The following PRPSAP2 variants were observed in gnomAD, a reference collection of about 807,000 sequenced individuals.
PRPSAP2 encodes the protein phosphoribosyl pyrophosphate synthase-associated protein 2.
A neutral mutation model predicts 40.6 loss-of-function variants in PRPSAP2; 24 were observed. The ratio of observed to expected loss-of-function variants is 0.59; its 90% CI spans 0.43 to 0.83. PRPSAP2 has a LOEUF of 0.83. PRPSAP2 is among the 40% of genes least tolerant of loss of function. The pLI is 0.00. For missense variants in PRPSAP2, 292 were observed against 465.6 expected (o/e 0.63, Z 3.43); for synonymous variants, 149 against 164.7 (o/e 0.90, Z 0.73).
rs2039366715 is a variant in PRPSAP2, at chr17:18,889,001, TTGA to T, written c.529-815_529-813del. On this transcript the variant is annotated intron_variant, in intron 7 of 11. Transcript: ENST00000268835. ...TTTTCTTGGCTGGGTTTGGTAATGT[TTGA>T]TGATGTTTGATGAGACAAGGAAATA... 5.3e-5 allele frequency among the ~76,000 whole-genome samples: 8 copies of T among 152,346 alleles called. No individual in the cohort carries two copies. In the South Asian group the frequency reaches 1.7e-3, roughly 32 times the overall value.
intron 7 of PRPSAP2, among the ~76,000 whole-genome samples, chr17:18,887,231 C>T (rs893659868): frequency 9.3e-5 from 14 of 150,088 alleles, no homozygotes; most frequent in South Asian, 2.1e-4. Flanking sequence ...CCACCGTGCC[C>T]GGCTTGATAA....
chr17:18,922,230 G>T (rs2151969076), intron 9 of PRPSAP2, among the ~76,000 whole-genome samples: 1 of 152,278 alleles, frequency 6.6e-6, no homozygotes, highest in South Asian at 2.1e-4. Context: ...TCCACTTTTG[G>T]CTATGCTGCT....
chr17:18,927,983 C>A (rs1276313614), intron 10 of PRPSAP2, among the ~76,000 whole-genome samples: 1 of 152,012 alleles, frequency 6.6e-6, no homozygotes, highest in Non-Finnish European at 1.5e-5. Flanking sequence ...TGGGTTTCGT[C>A]ATGTTGCTCA....
upstream of PRPSAP2, among the ~76,000 whole-genome samples, chr17:18,856,946 A>G (rs548108701): frequency 3.9e-5 from 6 of 152,344 alleles, no homozygotes; most frequent in East Asian, 1.2e-3. Context: ...AAGAGTAAAC[A>G]TTACCTAAGT....
intron 8 of PRPSAP2, among the ~76,000 whole-genome samples, chr17:18,901,787 C>A (rs765152373): frequency 6.6e-6 from 1 of 151,772 alleles, no homozygotes; most frequent in Non-Finnish European, 1.5e-5. Flanking sequence ...TGTTTTGATA[C>A]TTTTTTTTCC....
At chr17:18,891,320 T>G (rs2039532721) in intron 8 of PRPSAP2, among the ~76,000 whole-genome samples, 1 of 152,220 alleles carries the variant, frequency 6.6e-6, no homozygotes. Flanking sequence ...TTAAATAAAA[T>G]AAATTGGCAT....
At chr17:18,867,088 C>T (rs1187779652) in intron 3 of PRPSAP2, among the ~76,000 whole-genome samples, 194 bp from the exon 4 acceptor site, 2 of 151,952 alleles carry the variant, frequency 1.3e-5, no homozygotes, top group Non-Finnish European at 2.9e-5. Context: ...CATAGTCCTT[C>T]CTGGGGAGAC....
intron 1 of PRPSAP2, among the ~76,000 whole-genome samples, chr17:18,863,202 A>G (rs1315310190): frequency 6.6e-6 from 1 of 151,796 alleles, no homozygotes; most frequent in East Asian, 1.9e-4. Flanking sequence ...GAAGTGGTGC[A>G]ATCATGGCTC....
At chr17:18,914,518 C>G (rs1231784364) in intron 9 of PRPSAP2, among the ~76,000 whole-genome samples, 1 of 151,752 alleles carries the variant, frequency 6.6e-6, no homozygotes, top group East Asian at 1.9e-4. Context: ...CCTTGGCCTC[C>G]CAAACTCTTG....
At chr17:18,909,764 G>C (rs1166050357) in intron 8 of PRPSAP2, among the ~76,000 whole-genome samples, 1 of 151,884 alleles carries the variant, frequency 6.6e-6, no homozygotes, top group Admixed American at 6.6e-5. Flanking sequence ...AATTAGCCAG[G>C]CGTGGTGGCA....
rs60892883 is a variant in PRPSAP2 at position 18,914,249 on chromosome 17, C to CTTTTTTTTTTTTTTTTTTTTT, written c.733+3004_733+3024dup. ...GAGTTCTGTCCTGAACATGTTTTTG[C>CTTTTTTTTTTTTTTTTTTTTT]TTTTTTTTTTTTTTTTTTTTTTTTT... is the stretch of plus-strand genomic sequence containing the variant. On this transcript the variant is annotated intron_variant, in intron 9 of 11. Transcript: ENST00000268835. 7.1e-4 allele frequency among the ~76,000 whole-genome samples: 34 copies of CTTTTTTTTTTTTTTTTTTTTT among 48,104 alleles called. 2 individuals carry two copies. The highest frequency in any genetic ancestry group is 9.0e-4 in the Non-Finnish European group (26 of 29,028). 31.6% of individuals were successfully genotyped at this position (48,104 alleles called of 152,430 possible).
intron 8 of PRPSAP2, among the ~76,000 whole-genome samples, chr17:18,899,747 C>T (rs2040153062): frequency 6.6e-6 from 1 of 152,002 alleles, no homozygotes; most frequent in African/African-American, 2.4e-5. Flanking sequence ...ATTGCCCAGG[C>T]TGGTCTTGAA....
intron 4 of PRPSAP2, among the ~76,000 whole-genome samples, chr17:18,871,447 C>G (rs568060408): frequency 5.9e-5 from 9 of 152,206 alleles, no homozygotes; most frequent in East Asian, 5.8e-4. Flanking sequence ...TCACCTCTTC[C>G]GTTTTCTTCC....
intron 8 of PRPSAP2, among the ~76,000 whole-genome samples, chr17:18,906,689 G>A (rs4924944): frequency 0.54 from 81,934 of 151,700 alleles, 22,456 homozygotes; most frequent in Middle Eastern, 0.6. Flanking sequence ...TTAAGCATGA[G>A]TTTTTTGTGT....
At chr17:18,887,355 C>T (rs533497766) in intron 7 of PRPSAP2, among the ~76,000 whole-genome samples, 1 of 152,176 alleles carries the variant, frequency 6.6e-6, no homozygotes, top group South Asian at 2.1e-4. Flanking sequence ...CGGCCTCAAC[C>T]TCCTGAGTAA....
chr17:18,878,873 G>C (rs527414988), intron 6 of PRPSAP2, among the ~76,000 whole-genome samples: 31 of 149,698 alleles, frequency 2.1e-4, no homozygotes, highest in Non-Finnish European at 2.7e-4. Context: ...TTTTTATTCT[G>C]TTTATTTATT....
chr17:18,926,429 G>A (rs542708489), intron 10 of PRPSAP2, among the ~76,000 whole-genome samples: 1 of 151,874 alleles, frequency 6.6e-6, no homozygotes, highest in South Asian at 2.1e-4. Flanking sequence ...ACCACGTCCG[G>A]CTAATTTTTG....
rs535529821 is a variant in PRPSAP2, at chr17:18,926,046, C to T, written c.804+2062C>T. Among the ~76,000 whole-genome samples, 33 of 151,648 alleles carry T rather than the reference C, an allele frequency of 2.2e-4. No individual in the cohort carries two copies. In the South Asian group the frequency reaches 5.8e-3, roughly 27 times the overall value. Reference sequence around the variant, plus strand: ...ATGAGAGGCGGAGCTTGCAGTGAGCCGAGATCGTGCCACTGCACTCCAGCC... The same window carrying T: ...ATGAGAGGCGGAGCTTGCAGTGAGCTGAGATCGTGCCACTGCACTCCAGCC... On this transcript the variant is annotated intron_variant, in intron 10 of 11. Transcript: ENST00000268835.
chr17:18,898,219 C>A (rs904769439), intron 8 of PRPSAP2, among the ~76,000 whole-genome samples: 7 of 151,424 alleles, frequency 4.6e-5, no homozygotes, highest in Non-Finnish European at 7.4e-5. Context: ...GGGTGGTCTC[C>A]ATCTCTTGAC....
Sources: allele counts gnomAD v4.1 joint callset (sites outside exome capture counted in the v4.1 genomes callset), GRCh38; gene constraint gnomAD v4.1.1; transcripts MANE v1.5; gene names NCBI Gene and HGNC (gene_info 2026-07-23, HGNC 2026-07-21).